The following CCDC150 variants were observed in gnomAD, a reference collection of about 807,000 sequenced individuals.
CCDC150 encodes the protein coiled-coil domain-containing protein 150.
A neutral mutation model predicts 156.5 loss-of-function variants in CCDC150; 151 were observed. The ratio of observed to expected loss-of-function variants is 0.97; its 90% CI spans 0.85 to 1.10. The LOEUF (loss-of-function observed/expected upper bound fraction) is 1.10. Ranked by LOEUF, CCDC150 falls within the 50% of genes least tolerant of loss-of-function variation. The probability of loss-of-function intolerance (pLI) is 0.00; values close to 1 mark genes in which losing one functional copy is unlikely to be tolerated. For missense variants in CCDC150, 1,312 were observed against 1,268.1 expected (o/e 1.03, Z -0.53); for synonymous variants, 452 against 429.4 (o/e 1.05, Z -0.65).
chr2:196,713,082 T>G (rs1013335692), intron 17 of CCDC150: 1 of 485,428 alleles, frequency 2.1e-6, no homozygotes, highest in Non-Finnish European at 3.5e-6. Flanking sequence ...TCTAACCACT[T>G]GACTCTGCTG....
At chr2:196,676,293 A>G (rs757947587) in intron 11 of CCDC150, 26 bp downstream of exon 11, 1 of 1,611,260 alleles carries the variant, frequency 6.2e-7, no homozygotes. Context: ...GCAACTTCTT[A>G]TACATCTTTT....
rs137993868 is a variant in CCDC150 at position 196,690,652 on chromosome 2, A to G, written c.1510-4394A>G. Among the ~76,000 whole-genome samples the G allele has an allele frequency of 2.6e-3, 395 of 151,772 alleles. 3 individuals carry two copies. Among genetic ancestry groups the G allele is most frequent in the Non-Finnish European group, 4.4e-3 (297 of 67,948 alleles). On this transcript the variant is annotated intron_variant, in intron 13 of 27. Coordinates refer to ENST00000389175, the MANE Select transcript of CCDC150 (RefSeq NM_001080539.2). Reference sequence around the variant, plus strand: ...TTACAGGATCATGTCATCTGCAAACAGGGATAGTTTGACTTCCTCTTTTTC... The same window carrying G: ...TTACAGGATCATGTCATCTGCAAACGGGGATAGTTTGACTTCCTCTTTTTC...
intron 17 of CCDC150, among the ~76,000 whole-genome samples, chr2:196,716,869 T>C (rs1376630980): frequency 2.2e-5 from 3 of 139,306 alleles, no homozygotes; most frequent in Non-Finnish European, 4.7e-5. Context: ...TTTTTTTTTT[T>C]TTTGAGACAG....
At chr2:196,704,257 A>G (rs1559258144) in intron 15 of CCDC150, among the ~76,000 whole-genome samples, 1 of 152,236 alleles carries the variant, frequency 6.6e-6, no homozygotes, top group Non-Finnish European at 1.5e-5. Flanking sequence ...CTCATGTTCA[A>G]ACATGGTTTG....
intron 15 of CCDC150, among the ~76,000 whole-genome samples, chr2:196,709,943 T>G (rs1360315510): frequency 6.6e-6 from 1 of 152,210 alleles, no homozygotes; most frequent in African/African-American, 2.4e-5. Flanking sequence ...GGGAGGTGTC[T>G]CCCAGTTAGA....
intron 1 of CCDC150, among the ~76,000 whole-genome samples, chr2:196,642,540 AG>A: frequency 6.6e-6 from 1 of 152,332 alleles, no homozygotes; most frequent in Admixed American, 6.5e-5. Flanking sequence ...ATACTTTAAC[AG>A]CCTCCCAGAT....
intron 22 of CCDC150, chr2:196,727,429 T>C (rs1698272004): frequency 6.6e-6 from 1 of 151,716 alleles, no homozygotes; most frequent in South Asian, 2.1e-4. Flanking sequence ...AAGAAAAAAA[T>C]TATCAACCAG....
At chr2:196,671,746 A>G (rs1253744104) in intron 8 of CCDC150, among the ~76,000 whole-genome samples, 2 of 152,074 alleles carry the variant, frequency 1.3e-5, no homozygotes, top group Non-Finnish European at 2.9e-5. Context: ...ATTTATTTTT[A>G]GTGCTGAATA....
chr2:196,697,153 TAATACATA>T (rs1007788650), intron 14 of CCDC150, among the ~76,000 whole-genome samples: 5 of 152,342 alleles, frequency 3.3e-5, no homozygotes, highest in Middle Eastern at 3.4e-3. Context: ...GCATAATGCC[TAATACATA>T]ATAGGTGCTT....
intron 7 of CCDC150, 199 bp downstream of exon 7, chr2:196,667,047 G>T: frequency 1.7e-6 from 1 of 586,576 alleles, no homozygotes; most frequent in Non-Finnish European, 3.0e-6. Context: ...ATTTGACCCT[G>T]TTAATTGTAA....
chr2:196,665,658 C>A lies in CCDC150; in HGVS notation c.737C>A (p.Ser246Ter). Residue 246 changes from serine to a stop codon, truncating the protein, a stop_gained, in exon 6 of 28, where the codon TCA becomes TAA. Transcript: ENST00000389175. LOFTEE classifies it high-confidence loss of function. The stretch of plus-strand genomic sequence containing the variant: ...CTCCTCAAAATACAAGAAATGGGAT[C>A]AACAGTGGAGGTAGAACGAAAACAG... ...AMLLKIQEMG[S>*]TVEVERKQVH... The A allele has an allele frequency of 1.9e-6, 3 of 1,598,616 alleles. No homozygotes were observed. Among genetic ancestry groups the A allele is most frequent in the South Asian group, 2.3e-5 (2 of 87,654 alleles).
Position 196,677,282 on chromosome 2 carries a change from T to G in CCDC150, c.1441-11T>G. 6.4e-7 allele frequency: 1 copy of G among 1,557,400 alleles called. No individual in the cohort carries two copies. The highest frequency in any genetic ancestry group is 8.7e-7 in the Non-Finnish European group (1 of 1,147,518). On this transcript the variant is annotated splice_polypyrimidine_tract_variant and intron_variant, in intron 12 of 27. Coordinates refer to ENST00000389175, the MANE Select transcript of CCDC150 (RefSeq NM_001080539.2). ...GACCTATTCCTTTTTTTTCCCATCC[T>G]CCTTGGGCAGGTTAATAAAACAGAA... is the stretch of plus-strand genomic sequence containing the variant.
At chr2:196,643,366 C>T (rs896443458) in intron 1 of CCDC150, among the ~76,000 whole-genome samples, 1 of 151,786 alleles carries the variant, frequency 6.6e-6, no homozygotes, top group Non-Finnish European at 1.5e-5. Context: ...GGTCGGGTGG[C>T]ACTCAGTGTG....
Position 196,676,149 on chromosome 2 carries a change from C to G in CCDC150, c.1144C>G (p.Gln382Glu), listed in dbSNP as rs1350159524. 3.7e-6 allele frequency: 6 copies of G among 1,613,458 alleles called. No homozygotes were observed. The highest frequency in any genetic ancestry group is 5.1e-6 in the Non-Finnish European group (6 of 1,179,552). ...TATTGCTTTTAACACTCAGGTAGAGCAGAAAATGATGACGCAGACATTTCA... is the reference window on the plus strand; with the variant it reads ...TATTGCTTTTAACACTCAGGTAGAGGAGAAAATGATGACGCAGACATTTCA... Reference protein sequence around the residue: ...ADHQAILQVEQKMMTQTFQEQ... With the variant: ...ADHQAILQVEEKMMTQTFQEQ... The change falls in exon 11 of 28, where the codon CAG (glutamine) becomes GAG (glutamate). Residue 382 changes from glutamine (Q) to glutamate (E), a missense_variant. Gln to Glu is a conservative substitution (Grantham distance 29). Coordinates refer to ENST00000389175, the MANE Select transcript of CCDC150 (RefSeq NM_001080539.2).
chr2:196,674,255 A>T lies in CCDC150; in HGVS notation c.1044A>T (p.Gln348His). ...TGTTTTCTTAGGTTTTGAATGACCA[A>T]TTGACTAAAAAGTGTTCAGAGTTGA... ...ASEKAQVLND[Q>H]LTKKCSELSC... Residue 348 changes from glutamine to histidine, a missense_variant, in exon 10 of 28, where the codon CAA becomes CAT. Transcript: ENST00000389175. 1 of 1,596,330 alleles carries T rather than the reference A, an allele frequency of 6.3e-7. No individual in the cohort carries two copies. The highest frequency in any genetic ancestry group is 8.5e-7 in the Non-Finnish European group (1 of 1,170,378).
intron 13 of CCDC150, chr2:196,686,276 G>T: frequency 4.8e-6 from 1 of 209,476 alleles, no homozygotes; most frequent in South Asian, 8.9e-5. Flanking sequence ...CCTGGTACAT[G>T]GCTGCACCCA....
chr2:196,704,155 G>A (rs1235544050), intron 15 of CCDC150, among the ~76,000 whole-genome samples: 1 of 152,182 alleles, frequency 6.6e-6, no homozygotes, highest in East Asian at 1.9e-4. Flanking sequence ...ATTGTATTTG[G>A]TAAAAGACTA....
chr2:196,710,472 C>A (rs532278550), intron 15 of CCDC150, among the ~76,000 whole-genome samples: 1 of 152,326 alleles, frequency 6.6e-6, no homozygotes, highest in East Asian at 1.9e-4. Context: ...TGAGGCGATG[C>A]CCTGCCCTGC....
At chr2:196,716,652 CTT>C (rs1225760604) in intron 17 of CCDC150, among the ~76,000 whole-genome samples, 1 of 152,056 alleles carries the variant, frequency 6.6e-6, no homozygotes, top group Non-Finnish European at 1.5e-5. Flanking sequence ...CTTAAGGAAA[CTT>C]TTGGAGATGA....
Sources: gnomAD v4.1 joint callset for allele counts (sites outside exome capture counted in the v4.1 genomes callset) on GRCh38, gnomAD v4.1.1 for gene constraint, MANE v1.5 for transcripts, NCBI Gene and HGNC (gene_info 2026-07-23, HGNC 2026-07-21) for gene names.